Variants in BCAR3 observed in about 807,000 individuals in gnomAD.
BCAR3 encodes breast cancer anti-estrogen resistance protein 3.
Under a neutral mutation model 80.1 loss-of-function variants are expected in BCAR3, and 37 were observed. The ratio of observed to expected loss-of-function variants is 0.46; its 90% CI spans 0.36 to 0.61. The LOEUF (loss-of-function observed/expected upper bound fraction) is 0.61, where lower values mean the gene tolerates loss of function less well. Among genes scored for constraint, BCAR3 ranks in the 20% least tolerant of loss-of-function variants. The probability of loss-of-function intolerance (pLI) is 0.00; values close to 1 mark genes in which losing one functional copy is unlikely to be tolerated. For synonymous variants in BCAR3, 389 were observed against 418.9 expected (o/e 0.93, Z 0.87); for missense variants, 978 against 1,068.2 (o/e 0.92, Z 1.18).
intron 3 of BCAR3, among the ~76,000 whole-genome samples, chr1:93,641,406 T>A (rs555929133): frequency 1.1e-4 from 16 of 152,326 alleles, no homozygotes; most frequent in African/African-American, 3.8e-4. Flanking sequence ...TTCTAAACTC[T>A]AACTCTTGCT....
intron 2 of BCAR3, among the ~76,000 whole-genome samples, chr1:93,745,469 G>A (rs1393497622): frequency 1.3e-5 from 2 of 152,156 alleles, no homozygotes; most frequent in East Asian, 3.8e-4. Context: ...AATGTTTTAT[G>A]CAAATTAAAG....
chr1:93,765,781 C>T (rs2100733522), intron 2 of BCAR3, among the ~76,000 whole-genome samples: 1 of 152,082 alleles, frequency 6.6e-6, no homozygotes, highest in South Asian at 2.1e-4. Context: ...ATTCTCCTGC[C>T]TCAGCCTCCT....
At chr1:93,679,339 A>G (rs1648645164) in intron 1 of BCAR3, among the ~76,000 whole-genome samples, 1 of 152,178 alleles carries the variant, frequency 6.6e-6, no homozygotes, top group South Asian at 2.1e-4. Context: ...TAACTCTGAG[A>G]GTTCACAAAT....
chr1:93,734,796 G>A (rs563967579), intron 2 of BCAR3, among the ~76,000 whole-genome samples: 1 of 152,158 alleles, frequency 6.6e-6, no homozygotes, highest in Non-Finnish European at 1.5e-5. Context: ...CCCATTCCTG[G>A]CATCTGACAC....
chr1:93,740,489 T>C (rs1278749644), intron 2 of BCAR3, among the ~76,000 whole-genome samples: 1 of 152,226 alleles, frequency 6.6e-6, no homozygotes, highest in Non-Finnish European at 1.5e-5. Context: ...CAGTGGGCCC[T>C]GGGTGGGCCT....
At position 93,608,404 on chromosome 1, in the gene BCAR3, C is replaced by G. The variant is rs77612471; in HGVS notation, c.358-16011G>C. 1.3e-4 allele frequency among the ~76,000 whole-genome samples: 20 copies of G among 152,332 alleles called. No individual in the cohort carries two copies. In the East Asian group the frequency reaches 3.9e-3, roughly 29 times the overall value. On this transcript the variant is annotated intron_variant, in intron 3 of 11. Coordinates refer to ENST00000260502, the MANE Select transcript of BCAR3 (RefSeq NM_003567.4). The stretch of plus-strand genomic sequence containing the variant: ...ATCAGCTAAAAGGCCCCCAAGCTAT[C>G]ACTGACAACATCTTTAAACCCAGCA...
intron 5 of BCAR3, among the ~76,000 whole-genome samples, chr1:93,588,512 G>A (rs1293173905): frequency 6.6e-6 from 1 of 152,104 alleles, no homozygotes; most frequent in African/African-American, 2.4e-5. Flanking sequence ...CTGGCATTAA[G>A]GCCCCCATGA....
intron 3 of BCAR3, among the ~76,000 whole-genome samples, chr1:93,639,897 G>T (rs1336855257): frequency 1.3e-5 from 2 of 152,116 alleles, no homozygotes; most frequent in Non-Finnish European, 2.9e-5. Context: ...TGAGACTCAG[G>T]ATAGGATAAG....
At chr1:93,759,143 C>A (rs78158530) in intron 2 of BCAR3, among the ~76,000 whole-genome samples, 2,346 of 152,274 alleles carry the variant, frequency 0.015, 32 homozygotes, top group Non-Finnish European at 0.023. Context: ...CGGCCCCTGA[C>A]AACAATGTTT....
At chr1:93,686,063 T>C (rs1029274613), upstream of BCAR3, among the ~76,000 whole-genome samples, 2 of 152,070 alleles carry the variant, frequency 1.3e-5, no homozygotes, top group African/African-American at 4.8e-5. Flanking sequence ...TTAAAAGGGG[T>C]GACATATGCA....
intron 3 of BCAR3, among the ~76,000 whole-genome samples, chr1:93,604,616 C>T (rs998581539): frequency 9.9e-5 from 15 of 152,132 alleles, no homozygotes; most frequent in South Asian, 2.1e-4. Context: ...ATGTTAAACC[C>T]CTGTTACCTT....
intron 5 of BCAR3, among the ~76,000 whole-genome samples, chr1:93,587,717 T>C (rs545149433): frequency 5.6e-5 from 8 of 142,390 alleles, no homozygotes; most frequent in Non-Finnish European, 1.1e-4. Flanking sequence ...AAAAAACCAG[T>C]GAGTAGAATA....
intron 3 of BCAR3, among the ~76,000 whole-genome samples, chr1:93,692,320 C>G (rs191269547): frequency 3.6e-4 from 55 of 152,230 alleles, no homozygotes; most frequent in African/African-American, 1.2e-3. Context: ...GTGTGGTAAC[C>G]ATTTGGAACT....
intron 2 of BCAR3, among the ~76,000 whole-genome samples, chr1:93,819,959 T>C (rs1403457760): frequency 6.6e-6 from 1 of 152,168 alleles, no homozygotes; most frequent in Non-Finnish European, 1.5e-5. Context: ...TGTTGTTCCC[T>C]CCTTTGTGTC....
intron 2 of BCAR3, among the ~76,000 whole-genome samples, chr1:93,741,762 G>C (rs1429936004): frequency 6.6e-6 from 1 of 152,060 alleles, no homozygotes; most frequent in South Asian, 2.1e-4. Flanking sequence ...GTAGAGACAG[G>C]GTTTCATCAT....
chr1:93,679,115 C>G (rs530204706), intron 1 of BCAR3, among the ~76,000 whole-genome samples: 1 of 152,350 alleles, frequency 6.6e-6, no homozygotes, highest in Admixed American at 6.5e-5. Context: ...ACAAGTTACT[C>G]AACCTGACGG....
intron 2 of BCAR3, among the ~76,000 whole-genome samples, chr1:93,758,903 T>C (rs1193839339): frequency 6.6e-6 from 1 of 152,218 alleles, no homozygotes; most frequent in Non-Finnish European, 1.5e-5. Context: ...TGTGAACCTT[T>C]CTCAGGCCAT....
intron 2 of BCAR3, among the ~76,000 whole-genome samples, chr1:93,839,436 T>C (rs1421764530): frequency 6.6e-6 from 1 of 152,122 alleles, no homozygotes; most frequent in Non-Finnish European, 1.5e-5. Context: ...GAACATACCA[T>C]GGGGAAACAG....
At chr1:93,687,164 C>G (rs749059563) in intron 3 of BCAR3, among the ~76,000 whole-genome samples, 11 of 152,172 alleles carry the variant, frequency 7.2e-5, no homozygotes, top group Non-Finnish European at 1.6e-4. Flanking sequence ...GGCTTTTCAC[C>G]TTTATATTAC....
Sources: allele counts gnomAD v4.1 joint callset (sites outside exome capture counted in the v4.1 genomes callset), GRCh38; gene constraint gnomAD v4.1.1; transcripts MANE v1.5; gene names NCBI Gene and HGNC (gene_info 2026-07-23, HGNC 2026-07-21).